Variants in TPD52L1 observed in about 807,000 individuals in gnomAD.
TPD52L1 encodes the protein TPD52 like 1.
In TPD52L1, 18 loss-of-function variants were observed where a neutral mutation model predicts 28.7. The observed-to-expected ratio is 0.63, with a 90% CI of 0.43 to 0.93. The LOEUF (loss-of-function observed/expected upper bound fraction) is 0.93. TPD52L1 is among the 40% of genes least tolerant of loss of function. The probability of loss-of-function intolerance (pLI) is 0.00; values close to 1 mark genes in which losing one functional copy is unlikely to be tolerated. For missense variants in TPD52L1, 203 were observed against 254.8 expected, an observed-to-expected ratio of 0.80 and a Z score of 1.39; for synonymous variants, 75 against 88.8, an observed-to-expected ratio of 0.84 and a Z score of 0.88.
intron 2 of TPD52L1, among the ~76,000 whole-genome samples, chr6:125,224,116 T>C (rs1048743436): frequency 2.0e-5 from 3 of 152,074 alleles, no homozygotes; most frequent in Non-Finnish European, 2.9e-5. Context: ...TGTGCCACTA[T>C]CATCCCACTC....
chr6:125,256,679 C>T lies in TPD52L1; in HGVS notation c.426-419C>T, dbSNP rs114486843. ...GCCAAGTGGCAAAACTCAAACATGACATTCATCATATGGATTTTCCATTGC... is the reference window on the plus strand; with the variant it reads ...GCCAAGTGGCAAAACTCAAACATGATATTCATCATATGGATTTTCCATTGC... On this transcript the variant is annotated intron_variant, in intron 5 of 6. Coordinates refer to ENST00000534000, the MANE Select transcript of TPD52L1 (RefSeq NM_003287.4). Among the ~76,000 whole-genome samples, 1,089 of 152,304 alleles carry T rather than the reference C, an allele frequency of 7.2e-3. 17 individuals are homozygous for T. Among genetic ancestry groups the T allele is most frequent in the African/African-American group, 0.025 (1,035 of 41,562 alleles).
intron 2 of TPD52L1, among the ~76,000 whole-genome samples, chr6:125,222,811 T>C (rs1795333061): frequency 6.6e-6 from 1 of 152,194 alleles, no homozygotes; most frequent in African/African-American, 2.4e-5. Flanking sequence ...TATTATAGAT[T>C]AACTTCCCTC....
At chr6:125,200,853 G>A (rs75507124) in intron 1 of TPD52L1, among the ~76,000 whole-genome samples, 6,588 of 152,252 alleles carry the variant, frequency 0.043, 163 homozygotes, top group East Asian at 0.081. Flanking sequence ...GGTTATTTAA[G>A]TGCATATTGT....
In TPD52L1 at chr6:125,153,859, G is replaced by A; in HGVS notation, c.-93G>A. 7.0e-7 allele frequency: 1 copy of A among 1,425,608 alleles called. No individual in the cohort carries two copies. Among genetic ancestry groups the A allele is most frequent in the Admixed American group, 2.2e-5 (1 of 45,204 alleles). 88.3% of individuals were successfully genotyped at this position (1,425,608 alleles called of 1,614,324 possible). A position where few individuals can be genotyped will look rare whatever the true frequency, so the allele number is the denominator to read the frequency against. Reference sequence around the variant, plus strand: ...CGTGCCAGGAGTGGGAGCGAGCGGCGGGGCCAGCTGCGTTCTGAGCCTGGG... The same window carrying A: ...CGTGCCAGGAGTGGGAGCGAGCGGCAGGGCCAGCTGCGTTCTGAGCCTGGG... On this transcript the variant is annotated 5_prime_UTR_variant, in exon 1 of 7. Coordinates refer to ENST00000534000, the MANE Select transcript of TPD52L1 (RefSeq NM_003287.4).
At chr6:125,195,455 T>A (rs1793363265) in intron 1 of TPD52L1, among the ~76,000 whole-genome samples, 1 of 152,180 alleles carries the variant, frequency 6.6e-6, no homozygotes, top group African/African-American at 2.4e-5. Context: ...CCTTTGAGAG[T>A]AAGAAGCATG....
At chr6:125,199,572 C>A (rs1352914956) in intron 1 of TPD52L1, among the ~76,000 whole-genome samples, 1 of 152,156 alleles carries the variant, frequency 6.6e-6, no homozygotes, top group East Asian at 1.9e-4. Context: ...GTAATCCCAG[C>A]TACTTGGGAG....
intron 2 of TPD52L1, among the ~76,000 whole-genome samples, chr6:125,227,474 C>T (rs891236553): frequency 6.6e-6 from 1 of 152,128 alleles, no homozygotes; most frequent in Non-Finnish European, 1.5e-5. Context: ...TGTGATGCAG[C>T]TTGTGGTCCG....
intron 1 of TPD52L1, among the ~76,000 whole-genome samples, chr6:125,167,911 A>G (rs1482782546): frequency 1.3e-5 from 2 of 152,208 alleles, no homozygotes; most frequent in African/African-American, 4.8e-5. Flanking sequence ...ATCATAAAAT[A>G]TACATCTGAA....
chr6:125,164,356 T>C (rs1284158729), intron 1 of TPD52L1, among the ~76,000 whole-genome samples: 3 of 152,176 alleles, frequency 2.0e-5, no homozygotes, highest in Non-Finnish European at 4.4e-5. Flanking sequence ...AACAGCTTGC[T>C]ATTTTTGTTC....
intron 1 of TPD52L1, among the ~76,000 whole-genome samples, chr6:125,174,447 A>G (rs959715412): frequency 6.6e-6 from 1 of 152,206 alleles, no homozygotes; most frequent in South Asian, 2.1e-4. Context: ...GAAGATAGAA[A>G]TAAATATGTA....
chr6:125,216,160 T>C (rs1794857715), intron 1 of TPD52L1, among the ~76,000 whole-genome samples: 2 of 152,128 alleles, frequency 1.3e-5, no homozygotes, highest in Non-Finnish European at 2.9e-5. Context: ...GTAAGTTACA[T>C]TGTTTTACCA....
At chr6:125,162,803 T>A (rs1405407162) in intron 1 of TPD52L1, among the ~76,000 whole-genome samples, 2 of 152,240 alleles carry the variant, frequency 1.3e-5, no homozygotes, top group Non-Finnish European at 2.9e-5. Flanking sequence ...TAGCACATGG[T>A]AAGTAGTATA....
chr6:125,222,263 T>C (rs1050036089), intron 2 of TPD52L1, among the ~76,000 whole-genome samples: 4 of 152,230 alleles, frequency 2.6e-5, no homozygotes, highest in African/African-American at 9.6e-5. Flanking sequence ...TATGAAGAAC[T>C]GAGGCCTCCT....
chr6:125,198,749 T>C (rs1349425271), intron 1 of TPD52L1, among the ~76,000 whole-genome samples: 1 of 152,216 alleles, frequency 6.6e-6, no homozygotes. Flanking sequence ...TTCCTCAATG[T>C]GTTGTCAATG....
chr6:125,174,790 G>A (rs999992056), intron 1 of TPD52L1, among the ~76,000 whole-genome samples: 1 of 152,146 alleles, frequency 6.6e-6, no homozygotes, highest in Non-Finnish European at 1.5e-5. Flanking sequence ...GTCTCTTGTG[G>A]CTTGGATGTT....
intron 1 of TPD52L1, among the ~76,000 whole-genome samples, chr6:125,216,136 A>T (rs1251153824): frequency 1.3e-5 from 2 of 152,170 alleles, no homozygotes; most frequent in African/African-American, 4.8e-5. Flanking sequence ...ATTGACTAAA[A>T]TGTTAAATGA....
intron 1 of TPD52L1, among the ~76,000 whole-genome samples, chr6:125,208,504 C>T (rs150711945): frequency 3.3e-5 from 5 of 151,626 alleles, no homozygotes; most frequent in East Asian, 1.9e-4. Context: ...CTTGCAGTCT[C>T]GTGACATTTG....
intron 5 of TPD52L1, 80 bp downstream of exon 5, chr6:125,253,835 G>T: frequency 2.3e-6 from 3 of 1,313,316 alleles, no homozygotes; most frequent in Non-Finnish European, 3.3e-6. Context: ...TACTTATGGG[G>T]TTCCTCTGCT....
chr6:125,204,074 G>A (rs1354486104), intron 1 of TPD52L1, among the ~76,000 whole-genome samples: 1 of 152,144 alleles, frequency 6.6e-6, no homozygotes, highest in Non-Finnish European at 1.5e-5. Flanking sequence ...TGCTGTAGGT[G>A]TCTTTAATTA....
Sources: allele counts gnomAD v4.1 joint callset (sites outside exome capture counted in the v4.1 genomes callset), GRCh38; gene constraint gnomAD v4.1.1; transcripts MANE v1.5; gene names NCBI Gene and HGNC (gene_info 2026-07-23, HGNC 2026-07-21).